Variants in CNTNAP1 observed in about 807,000 individuals in gnomAD.
CNTNAP1 encodes the protein contactin-associated protein 1.
In CNTNAP1, 80 loss-of-function variants were observed where a neutral mutation model predicts 161.5. The observed-to-expected ratio is 0.50, with a 90% CI of 0.41 to 0.60. CNTNAP1 has a LOEUF of 0.60. Ranked by LOEUF, CNTNAP1 falls within the 20% of genes least tolerant of loss-of-function variation. The probability of loss-of-function intolerance (pLI) is 0.00; values close to 1 mark genes in which losing one functional copy is unlikely to be tolerated. For missense variants in CNTNAP1, 1,464 were observed against 1,854.8 expected, an observed-to-expected ratio of 0.79 and a Z score of 3.87; for synonymous variants, 695 against 733.1, an observed-to-expected ratio of 0.95 and a Z score of 0.84.
chr17:42,682,579 G>C lies in CNTNAP1; in HGVS notation c.-251G>C. 1 of 538,478 alleles carries C rather than the reference G, an allele frequency of 1.9e-6. No individual in the cohort carries two copies. The highest frequency in any genetic ancestry group is 3.3e-6 in the Non-Finnish European group (1 of 304,190). 33.4% of individuals were successfully genotyped at this position (538,478 alleles called of 1,614,324 possible). ...AGAGGCTGGGGAAGGGGGGAGGTGA[G>C]AGGAAAGAGGGTGGAAAGGAGAGGA... On this transcript the variant is annotated 5_prime_UTR_variant, in exon 1 of 24. Transcript: ENST00000264638.
intron 3 of CNTNAP1, among the ~76,000 whole-genome samples, chr17:42,684,642 G>C (rs1035404595): frequency 3.3e-5 from 5 of 152,014 alleles, no homozygotes; most frequent in Non-Finnish European, 5.9e-5. Context: ...GAAGCAGAGG[G>C]GGGCCGGGCG....
At position 42,693,654 on chromosome 17, in the gene CNTNAP1, A is replaced by C. The variant is rs1413994001; in HGVS notation, c.2992+118A>C. The C allele has an allele frequency of 7.6e-6, 11 of 1,438,854 alleles. No homozygotes were observed. The South Asian group carries it at 1.4e-4, about 19-fold the overall frequency. 89.1% of individuals were successfully genotyped at this position (1,438,854 alleles called of 1,614,324 possible). The stretch of plus-strand genomic sequence containing the variant: ...CATGGAAAATTAGAGTTGTCCCTGG[A>C]TTCCTGAGCTCTGAGTTTGGGGAGT... On this transcript the variant is annotated intron_variant, in intron 18 of 23. Transcript: ENST00000264638.
Position 42,695,605 on chromosome 17 carries a change from A to G in CNTNAP1, c.3077A>G (p.His1026Arg), listed in dbSNP as rs747010251. 1.2e-6 allele frequency: 2 copies of G among 1,614,058 alleles called. No homozygotes were observed. The highest frequency in any genetic ancestry group is 2.2e-5 in the South Asian group (2 of 91,092). The change falls in exon 19 of 24, where the codon CAC becomes CGC. Residue 1026 changes from histidine to arginine, a missense_variant. Around this residue, in one of 3 missense-constraint regions of CNTNAP1, gnomAD observed 1,383 missense variants for 1,765.0 expected, o/e 0.78. Transcript: ENST00000264638. ...ALRSAAREFS[H>R]MLSRPVPGYE... ...CGCTCTGCAGCCAGGGAGTTCTCCC[A>G]CATGCTGAGCCGGCCAGTGCCAGGC...
Position 42,687,355 on chromosome 17 carries a change from G to C in CNTNAP1, c.1044+309G>C. 1 of 495,768 alleles carries C rather than the reference G, an allele frequency of 2.0e-6. No homozygotes were observed. Among genetic ancestry groups the C allele is most frequent in the South Asian group, 2.9e-5 (1 of 34,728 alleles). 30.7% of individuals were successfully genotyped at this position (495,768 alleles called of 1,614,324 possible). A position where few individuals can be genotyped will look rare whatever the true frequency, so the allele number is the denominator to read the frequency against. ...CGGTGGCTGAGTAGGGACTTGAACC[G>C]ATGGCTTCTCTGATATGCCCCCCTC... On this transcript the variant is annotated intron_variant, in intron 7 of 23. Transcript: ENST00000264638. This position sits in a 1 kb window ranked among gnomAD's most constrained non-coding sequence, Gnocchi z 4.7.
rs1472099111 is a variant in CNTNAP1 at position 42,698,730 on chromosome 17, G to C, written c.3975G>C (p.Glu1325Asp). The C allele has an allele frequency of 6.2e-7, 1 of 1,613,552 alleles. No individual in the cohort carries two copies. Among genetic ancestry groups the C allele is most frequent in the East Asian group, 2.2e-5 (1 of 44,874 alleles). ...CCAATGAGCCCAAGGCTGCCCACGA[G>C]TACCATCCTGGCAGCAAACCTCCCC... ...YHTNEPKAAHEYHPGSKPPLP... is the reference protein window; with the variant it reads ...YHTNEPKAAHDYHPGSKPPLP... The change falls in exon 24 of 24, where the codon GAG (glutamate) becomes GAC (aspartate). Residue 1325 changes from glutamate to aspartate, a missense_variant. Glu to Asp is a conservative substitution (Grantham distance 45, BLOSUM62 2). Coordinates refer to ENST00000264638, the MANE Select transcript of CNTNAP1 (RefSeq NM_003632.3).
chr17:42,684,708 G>A (rs1346107225), intron 3 of CNTNAP1, among the ~76,000 whole-genome samples: 2 of 151,642 alleles, frequency 1.3e-5, no homozygotes, highest in African/African-American at 4.8e-5. Flanking sequence ...GGTGGATCAC[G>A]AGGTCAGGAG....
At chr17:42,690,676 G>T in intron 12 of CNTNAP1, 63 bp from the exon 13 acceptor site, 1 of 1,535,046 alleles carries the variant, frequency 6.5e-7, no homozygotes, top group South Asian at 1.2e-5. Flanking sequence ...GGTGGAGGTG[G>T]GCAGGGAGAT....
chr17:42,689,645 TGG>T lies in CNTNAP1; in HGVS notation c.1735+23_1735+24del. 6.2e-7 allele frequency: 1 copy of T among 1,600,656 alleles called. No individual in the cohort carries two copies. On this transcript the variant is annotated intron_variant, in intron 11 of 23. Transcript: ENST00000264638. ...CCACACACGTAAGCCAGATGTGGTA[TGG>T]GGGGAGTCAGGGACAAGGGAGGTCA...
Position 42,691,659 on chromosome 17 carries a change from C to A in CNTNAP1, c.2345-147C>A. 1.5e-6 allele frequency: 2 copies of A among 1,370,562 alleles called. No homozygotes were observed. Among genetic ancestry groups the A allele is most frequent in the African/African-American group, 1.4e-5 (1 of 69,610 alleles). The allele number at this position is 1,370,562 out of a possible 1,614,324, so 84.9% of individuals were successfully genotyped here. The stretch of plus-strand genomic sequence containing the variant: ...GATCTCATTACCCCTCTGCACCTGG[C>A]TCCTCTTTCATTCCACTCCTTAGTC... On this transcript the variant is annotated intron_variant, in intron 15 of 23. Coordinates refer to ENST00000264638, the MANE Select transcript of CNTNAP1 (RefSeq NM_003632.3). This position sits in a 1 kb window ranked among gnomAD's most constrained non-coding sequence, Gnocchi z 4.3.
At chr17:42,695,934 CTAT>C (rs1485318266) in intron 19 of CNTNAP1, 60 bp downstream of exon 19, 1 of 1,596,014 alleles carries the variant, frequency 6.3e-7, no homozygotes, top group East Asian at 2.2e-5. Flanking sequence ...CCTAATTCTC[CTAT>C]TGATTCACAA....
rs746594808 is a variant in CNTNAP1, at chr17:42,683,823, G to C, written c.70G>C (p.Gly24Arg). ...AACAGTCGGTTTCCCTACCCTAGAC[G>C]GCTGCGACGAGGAGCTGGTGGGTCC... ...VSGAEGWGYY[G>R]CDEELVGPLY... Residue 24 changes from glycine (G) to arginine (R), a missense_variant and splice_region_variant, in exon 2 of 24, where the codon GGC becomes CGC. Gly to Arg is a moderately radical substitution (Grantham distance 125, BLOSUM62 -2). Transcript: ENST00000264638. 7 of 1,611,090 alleles carry C rather than the reference G, an allele frequency of 4.3e-6. No homozygotes were observed. Among genetic ancestry groups the C allele is most frequent in the South Asian group, 3.3e-5 (3 of 91,086 alleles).
chr17:42,693,592 G>A lies in CNTNAP1; in HGVS notation c.2992+56G>A. ...AGCCATAGGGTGTAATGGGATGTAG[G>A]GAGGGCAGGGAAGGAAATAGCATGT... On this transcript the variant is annotated intron_variant, in intron 18 of 23. Coordinates refer to ENST00000264638, the MANE Select transcript of CNTNAP1 (RefSeq NM_003632.3). The A allele has an allele frequency of 1.9e-6, 3 of 1,585,470 alleles. No individual in the cohort carries two copies. In the South Asian group the frequency reaches 3.4e-5, roughly 18 times the overall value.
chr17:42,689,398 A>G, intron 10 of CNTNAP1, 123 bp from the exon 11 acceptor site: 1 of 722,338 alleles, frequency 1.4e-6, no homozygotes, highest in South Asian at 1.8e-5. Flanking sequence ...CCGGCTGGCT[A>G]GGCGGGGTGT....
intron 17 of CNTNAP1, 28 bp from the exon 18 acceptor site, chr17:42,693,269 T>G (rs373411546): frequency 9.5e-5 from 153 of 1,611,800 alleles, no homozygotes; most frequent in Non-Finnish European, 1.3e-4. Context: ...CTGCCTCCAT[T>G]TCTTGACCTG....
In CNTNAP1 at chr17:42,689,597, A is replaced by G; in HGVS notation, c.1705A>G (p.Thr569Ala). The G allele has an allele frequency of 6.2e-7, 1 of 1,613,928 alleles. No individual in the cohort carries two copies. The highest frequency in any genetic ancestry group is 8.5e-7 in the Non-Finnish European group (1 of 1,179,906). Residue 569 changes from threonine (T) to alanine (A), a missense_variant, in exon 11 of 24, where the codon ACG becomes GCG. Transcript: ENST00000264638. Reference protein sequence around the residue: ...WDDFICYCELTGYKGETCHTP... With the variant: ...WDDFICYCELAGYKGETCHTP... ...TGACTTCATTTGCTACTGCGAACTGACGGGCTACAAGGGAGAGACCTGCCA... is the reference window on the plus strand; with the variant it reads ...TGACTTCATTTGCTACTGCGAACTGGCGGGCTACAAGGGAGAGACCTGCCA...
intron 9 of CNTNAP1, 45 bp downstream of exon 9, chr17:42,688,656 A>G: frequency 2.5e-6 from 4 of 1,612,970 alleles, no homozygotes; most frequent in Non-Finnish European, 3.4e-6. Flanking sequence ...CTGGGTGGGA[A>G]GGCTCCATCT....
rs550840488 is a variant in CNTNAP1 at position 42,693,216 on chromosome 17, C to T, written c.2753-81C>T. On this transcript the variant is annotated intron_variant, in intron 17 of 23. Coordinates refer to ENST00000264638, the MANE Select transcript of CNTNAP1 (RefSeq NM_003632.3). The stretch of plus-strand genomic sequence containing the variant: ...GCTCGTGATTCGCCCGCCTCGGCCT[C>T]CCAAAGTGCTGGGATTACAGGCGTG... 302 of 1,554,210 alleles carry T rather than the reference C, an allele frequency of 1.9e-4. 2 individuals are homozygous for T. Among genetic ancestry groups the T allele is most frequent in the Admixed American group, 1.2e-3 (68 of 57,882 alleles).
intron 1 of CNTNAP1, 177 bp downstream of exon 1, chr17:42,683,073 C>G: frequency 3.0e-6 from 2 of 662,412 alleles, no homozygotes; most frequent in Non-Finnish European, 5.0e-6. Context: ...CTGAGGCTGC[C>G]GCGCGCGCCC....
Position 42,696,127 on chromosome 17 carries a change from G to T in CNTNAP1, c.3449G>T (p.Arg1150Leu). Reference protein sequence around the residue: ...DGQPHSINITRVYRNLFIQVD... With the variant: ...DGQPHSINITLVYRNLFIQVD... Reference sequence around the variant, plus strand: ...CAGCCCCATAGCATCAATATCACCCGTGTTTACCGGAACCTCTTCATCCAG... The same window carrying T: ...CAGCCCCATAGCATCAATATCACCCTTGTTTACCGGAACCTCTTCATCCAG... Residue 1150 changes from arginine to leucine, a missense_variant, in exon 20 of 24, where the codon CGT becomes CTT. Arg to Leu is a moderately radical substitution (Grantham distance 102, BLOSUM62 -2). Transcript: ENST00000264638. 6.2e-7 allele frequency: 1 copy of T among 1,614,088 alleles called. No homozygotes were observed. Among genetic ancestry groups the T allele is most frequent in the Non-Finnish European group, 8.5e-7 (1 of 1,180,012 alleles).
Sources: allele counts gnomAD v4.1 joint callset (sites outside exome capture counted in the v4.1 genomes callset), GRCh38; gene constraint gnomAD v4.1.1; regional missense constraint gnomAD v4.1.1; non-coding constraint Gnocchi (gnomAD v3.1); transcripts MANE v1.5; gene names NCBI Gene and HGNC (gene_info 2026-07-23, HGNC 2026-07-21).